Variants in SNCAIP observed in about 807,000 individuals in gnomAD.
SNCAIP encodes synphilin-1.
SNCAIP carries 43 observed loss-of-function variants against 86.7 expected under a neutral mutation model. The ratio of observed to expected loss-of-function variants is 0.50; its 90% confidence interval spans 0.39 to 0.64. SNCAIP has a LOEUF of 0.64. Ranked by LOEUF, SNCAIP falls within the 30% of genes least tolerant of loss-of-function variation. The pLI, the probability that SNCAIP is intolerant of heterozygous loss-of-function variation, is 0.00. For missense variants in SNCAIP, 981 were observed against 1,103.1 expected (o/e 0.89, Z 1.57); for synonymous variants, 417 against 427.2 (o/e 0.98, Z 0.29).
intron 7 of SNCAIP, chr5:122,441,118 C>T (rs897051795): frequency 1.3e-4 from 30 of 238,506 alleles, no homozygotes; most frequent in Admixed American, 8.6e-4. Flanking sequence ...GCTGCTCTTC[C>T]CCTAACTAGT....
intron 1 of SNCAIP, among the ~76,000 whole-genome samples, chr5:122,350,916 T>C (rs1200482336): frequency 6.6e-6 from 1 of 152,200 alleles, no homozygotes; most frequent in Non-Finnish European, 1.5e-5. Context: ...AAAGACCATA[T>C]AAGGGCTAAG....
chr5:122,414,474 G>A (rs759196871), intron 3 of SNCAIP, among the ~76,000 whole-genome samples: 95 of 151,902 alleles, frequency 6.3e-4, no homozygotes, highest in South Asian at 1.7e-3. Flanking sequence ...CAAGTGATCC[G>A]CCCACCTTAG....
At chr5:122,453,187 C>T in intron 10 of SNCAIP, among the ~76,000 whole-genome samples, 1 of 152,060 alleles carries the variant, frequency 6.6e-6, no homozygotes, top group East Asian at 1.9e-4. Flanking sequence ...GCTAGTCTGC[C>T]CTTGGAGGGC....
At chr5:122,433,649 A>C (rs1778844545) in intron 6 of SNCAIP, among the ~76,000 whole-genome samples, 1 of 152,184 alleles carries the variant, frequency 6.6e-6, no homozygotes, top group South Asian at 2.1e-4. Flanking sequence ...GAAATATTAT[A>C]CTTACTCTGT....
At chr5:122,329,447 G>T (rs1228328646) in intron 1 of SNCAIP, among the ~76,000 whole-genome samples, 1 of 152,096 alleles carries the variant, frequency 6.6e-6, no homozygotes, top group Non-Finnish European at 1.5e-5. Context: ...TTGTTAAATT[G>T]TTCTCAATTT....
At chr5:122,311,363 ACATTCCAGGCAGGCAAAGC>A (rs1750569496), upstream of SNCAIP, 1 of 152,168 alleles carries the variant, frequency 6.6e-6, no homozygotes, top group Non-Finnish European at 1.5e-5. Context: ...TGAGCACAGA[ACATTCCAGGCAGGCAAAGC>A]CACCCTTGCC....
chr5:122,462,059 G>A (rs576578725), intron 10 of SNCAIP, among the ~76,000 whole-genome samples: 4 of 152,140 alleles, frequency 2.6e-5, no homozygotes. Flanking sequence ...TAAAGGTGTC[G>A]CACTGTACAC....
At chr5:122,382,950 T>A (rs1198858333) in intron 1 of SNCAIP, among the ~76,000 whole-genome samples, 2 of 152,190 alleles carry the variant, frequency 1.3e-5, no homozygotes, top group Non-Finnish European at 2.9e-5. Flanking sequence ...TTCAAAGCTG[T>A]CAGACAGGGA....
At chr5:122,366,074 C>G (rs935928999) in intron 1 of SNCAIP, among the ~76,000 whole-genome samples, 1 of 152,064 alleles carries the variant, frequency 6.6e-6, no homozygotes, top group South Asian at 2.1e-4. Flanking sequence ...AAACAGAAAC[C>G]ATTCTAAATA....
chr5:122,395,347 G>A (rs1434270432), intron 2 of SNCAIP, among the ~76,000 whole-genome samples: 1 of 152,092 alleles, frequency 6.6e-6, no homozygotes, highest in Non-Finnish European at 1.5e-5. Context: ...AGAAGTGAGA[G>A]AAATATTCTG....
At chr5:122,386,094 T>C (rs1396897600) in intron 1 of SNCAIP, among the ~76,000 whole-genome samples, 1 of 152,212 alleles carries the variant, frequency 6.6e-6, no homozygotes, top group Non-Finnish European at 1.5e-5. Context: ...AAAATGAGTG[T>C]AGTTTCTCAA....
chr5:122,452,999 C>T (rs1412910356), intron 10 of SNCAIP: 3 of 1,534,146 alleles, frequency 2.0e-6, no homozygotes, highest in African/African-American at 1.4e-5. Context: ...ACACACGGTA[C>T]GTGGTGCTAG....
intron 10 of SNCAIP, among the ~76,000 whole-genome samples, chr5:122,461,211 G>C (rs984398754): frequency 2.6e-5 from 4 of 152,118 alleles, no homozygotes; most frequent in African/African-American, 4.8e-5. Flanking sequence ...TAATGTGTCT[G>C]TTGAGAAGCC....
At chr5:122,342,793 C>G (rs1216400431) in intron 1 of SNCAIP, among the ~76,000 whole-genome samples, 2 of 152,208 alleles carry the variant, frequency 1.3e-5, no homozygotes, top group African/African-American at 2.4e-5. Flanking sequence ...TAACCTTAAC[C>G]TTAGCTTCCT....
At chr5:122,461,511 T>C (rs1786228857) in intron 10 of SNCAIP, among the ~76,000 whole-genome samples, 1 of 152,164 alleles carries the variant, frequency 6.6e-6, no homozygotes, top group South Asian at 2.1e-4. Context: ...ATGATTCTTC[T>C]CTATTTTTCC....
chr5:122,346,286 G>C (rs1257965126), intron 1 of SNCAIP, among the ~76,000 whole-genome samples: 1 of 152,050 alleles, frequency 6.6e-6, no homozygotes, highest in Non-Finnish European at 1.5e-5. Flanking sequence ...TGCTCATGGA[G>C]ACCCAAAAGA....
At chr5:122,368,555 T>TCAG (rs1333087017) in intron 1 of SNCAIP, among the ~76,000 whole-genome samples, 2 of 152,220 alleles carry the variant, frequency 1.3e-5, no homozygotes, top group African/African-American at 2.4e-5. Context: ...AGCAAGCGAC[T>TCAG]CAGCCTTAGT....
At chr5:122,347,908 T>TA in intron 1 of SNCAIP, among the ~76,000 whole-genome samples, 1 of 152,168 alleles carries the variant, frequency 6.6e-6, no homozygotes, top group East Asian at 1.9e-4. Context: ...AAAAATAAGC[T>TA]AAAAGTGTTT....
chr5:122,344,328 G>A (rs1011680057), intron 1 of SNCAIP, among the ~76,000 whole-genome samples: 1 of 152,146 alleles, frequency 6.6e-6, no homozygotes, highest in African/African-American at 2.4e-5. Flanking sequence ...AAACATAGCT[G>A]AAAATAAATA....
Sources: allele counts gnomAD v4.1 joint callset (sites outside exome capture counted in the v4.1 genomes callset), GRCh38; gene constraint gnomAD v4.1.1; transcripts MANE v1.5; gene names NCBI Gene and HGNC (gene_info 2026-07-23, HGNC 2026-07-21).